The following POT1 variants were observed in gnomAD, a reference collection of about 807,000 sequenced individuals.
POT1 encodes protection of telomeres 1.
POT1 carries 47 observed loss-of-function variants against 78.5 expected under a neutral mutation model. The ratio of observed to expected loss-of-function variants is 0.60; its 90% confidence interval spans 0.47 to 0.76. POT1 has a LOEUF of 0.76. Ranked by LOEUF, POT1 falls within the 30% of genes least tolerant of loss-of-function variation. The probability of loss-of-function intolerance (pLI) is 0.00; values close to 1 mark genes in which losing one functional copy is unlikely to be tolerated. For synonymous variants in POT1, 259 were observed against 260.7 expected, an observed-to-expected ratio of 0.99 and a Z score of 0.06; for missense variants, 646 against 749.9, an observed-to-expected ratio of 0.86 and a Z score of 1.62.
At chr7:124,842,223 A>G (rs1202448193) in intron 13 of POT1, among the ~76,000 whole-genome samples, 1 of 152,028 alleles carries the variant, frequency 6.6e-6, no homozygotes, top group East Asian at 1.9e-4. Context: ...AAAGATGAGG[A>G]GCTTTTAAAA....
intron 2 of POT1, among the ~76,000 whole-genome samples, chr7:124,926,489 T>C (rs777430656): frequency 4.6e-5 from 7 of 152,202 alleles, no homozygotes; most frequent in Non-Finnish European, 7.3e-5. Context: ...GGTGAGAATG[T>C]ACATTAGTAC....
chr7:124,836,452 TAA>T (rs1794903016), intron 14 of POT1, among the ~76,000 whole-genome samples: 1 of 152,192 alleles, frequency 6.6e-6, no homozygotes, highest in South Asian at 2.1e-4. Flanking sequence ...GCATGCTACT[TAA>T]AAGTTTCACA....
At chr7:124,868,411 C>A (rs770197503) in intron 7 of POT1, among the ~76,000 whole-genome samples, 22 of 152,086 alleles carry the variant, frequency 1.4e-4, no homozygotes, top group Admixed American at 3.3e-4. Context: ...ATTAACATTG[C>A]CTTAAATTAT....
rs1432715110 is a variant in POT1, at chr7:124,841,107, T to G, written c.1235A>C (p.Lys412Thr). The change falls in exon 14 of 19, where the codon AAG (lysine) becomes ACG (threonine). Residue 412 changes from lysine (K) to threonine (T), a missense_variant. Physicochemically the swap from Lys to Thr is moderately conservative, Grantham distance 78. Around this residue, in one of 2 missense-constraint regions of POT1, gnomAD observed 394 missense variants for 408.4 expected, o/e 0.96. Transcript: ENST00000357628. ...ATCATATAATGATGTATTTTGTAGC[T>G]TGACATCTGGGGTTTTAGTTGCACC... Reference protein sequence around the residue: ...QDGATKTPDVKLQNTSLYDSK... With the variant: ...QDGATKTPDVTLQNTSLYDSK... 1 of 1,612,890 alleles carries G rather than the reference T, an allele frequency of 6.2e-7. No homozygotes were observed. The highest frequency in any genetic ancestry group is 1.7e-5 in the Admixed American group (1 of 59,984).
At chr7:124,830,696 A>G (rs1794738553) in intron 15 of POT1, among the ~76,000 whole-genome samples, 1 of 152,142 alleles carries the variant, frequency 6.6e-6, no homozygotes, top group African/African-American at 2.4e-5. Context: ...CTCCACTATT[A>G]AAACTAAAAT....
intron 9 of POT1, among the ~76,000 whole-genome samples, chr7:124,855,309 G>C (rs1393902686): frequency 6.7e-6 from 1 of 149,292 alleles, no homozygotes. Context: ...ATTTAAAAGT[G>C]TCTGAAATAA....
In POT1 at chr7:124,833,326, T is replaced by A. The variant is rs368834657; in HGVS notation, c.1505+1953A>T. Among the ~76,000 whole-genome samples, 41 of 152,306 alleles carry A rather than the reference T, an allele frequency of 2.7e-4. 1 individual carries two copies. The highest frequency in any genetic ancestry group is 9.1e-4 in the African/African-American group (38 of 41,564). Reference sequence around the variant, plus strand: ...TTAGGGAGGTATCATGCTTACCGTATAATATTTTTCAACCAGTATATAATT... The same window carrying A: ...TTAGGGAGGTATCATGCTTACCGTAAAATATTTTTCAACCAGTATATAATT... On this transcript the variant is annotated intron_variant, in intron 15 of 18. Transcript: ENST00000357628.
intron 7 of POT1, among the ~76,000 whole-genome samples, chr7:124,865,738 G>A (rs969243450): frequency 4.0e-5 from 6 of 151,028 alleles, no homozygotes; most frequent in East Asian, 1.9e-4. Flanking sequence ...GACGGATCTC[G>A]TTCTGTCACT....
intron 9 of POT1, among the ~76,000 whole-genome samples, chr7:124,854,328 G>T (rs1795389946): frequency 6.6e-6 from 1 of 151,662 alleles, no homozygotes; most frequent in Admixed American, 6.6e-5. Flanking sequence ...TTTGTACACT[G>T]AATAATTGGA....
At chr7:124,882,543 A>T (rs1320254838) in intron 6 of POT1, among the ~76,000 whole-genome samples, 6 of 152,030 alleles carry the variant, frequency 3.9e-5, no homozygotes, top group Admixed American at 3.9e-4. Flanking sequence ...ATTATGATAT[A>T]TACAGTGACA....
rs540163663 is a variant in POT1, at chr7:124,840,722, C to G, written c.1369+251G>C. On this transcript the variant is annotated intron_variant, in intron 14 of 18. Transcript: ENST00000357628. ...AGCTTAGCATTGACAAAATAAAATGCAATCCAACAATATAGTTAAATGTTA... is the reference window on the plus strand; with the variant it reads ...AGCTTAGCATTGACAAAATAAAATGGAATCCAACAATATAGTTAAATGTTA... 7.0e-4 allele frequency: 198 copies of G among 282,892 alleles called. 1 individual carries two copies. Among genetic ancestry groups the G allele is most frequent in the African/African-American group, 4.2e-3 (186 of 44,626 alleles). 17.5% of individuals were successfully genotyped at this position (282,892 alleles called of 1,614,324 possible).
chr7:124,858,174 G>C (rs1584769202), intron 9 of POT1, among the ~76,000 whole-genome samples: 1 of 152,284 alleles, frequency 6.6e-6, no homozygotes, highest in East Asian at 1.9e-4. Flanking sequence ...GTGGAATCTT[G>C]AACCACTGAT....
At chr7:124,830,920 C>T (rs1368499049) in intron 15 of POT1, among the ~76,000 whole-genome samples, 1 of 152,038 alleles carries the variant, frequency 6.6e-6, no homozygotes, top group Non-Finnish European at 1.5e-5. Context: ...GGAAAGAAAC[C>T]TTACAATCAA....
chr7:124,878,706 T>C (rs150173581), intron 6 of POT1, among the ~76,000 whole-genome samples: 3,406 of 152,182 alleles, frequency 0.022, 50 homozygotes, highest in Middle Eastern at 0.034. Flanking sequence ...GTTTTATTAT[T>C]AATAATGATA....
intron 6 of POT1, among the ~76,000 whole-genome samples, chr7:124,879,667 G>T (rs1223441748): frequency 6.6e-6 from 1 of 152,096 alleles, no homozygotes; most frequent in East Asian, 1.9e-4. Flanking sequence ...ATATTTTTCT[G>T]TTGAATAGCA....
intron 9 of POT1, among the ~76,000 whole-genome samples, chr7:124,854,411 T>C (rs12532038): frequency 0.38 from 58,119 of 151,698 alleles, 11,856 homozygotes; most frequent in African/African-American, 0.54. Flanking sequence ...TTTTAGATTA[T>C]GGAGGCTCAA....
chr7:124,831,008 A>G (rs935183508), intron 15 of POT1, among the ~76,000 whole-genome samples: 1 of 152,210 alleles, frequency 6.6e-6, no homozygotes, highest in Non-Finnish European at 1.5e-5. Flanking sequence ...AGATGTGAAC[A>G]TGGAATTCAT....
At chr7:124,844,126 GT>G (rs34848715) in intron 12 of POT1, among the ~76,000 whole-genome samples, 49,629 of 126,842 alleles carry the variant, frequency 0.39, 8,917 homozygotes, top group East Asian at 0.49. Flanking sequence ...GGCGATTGTG[GT>G]TTTTTTTTTT....
intron 4 of POT1, 92 bp from the exon 5 acceptor site, chr7:124,897,304 G>A (rs961214470): frequency 9.5e-6 from 4 of 418,924 alleles, no homozygotes; most frequent in African/African-American, 6.2e-5. Flanking sequence ...ACACTTACTT[G>A]TAAAATATTC....
Sources: allele counts gnomAD v4.1 joint callset (sites outside exome capture counted in the v4.1 genomes callset), GRCh38; gene constraint gnomAD v4.1.1; regional missense constraint gnomAD v4.1.1; transcripts MANE v1.5; gene names NCBI Gene and HGNC (gene_info 2026-07-23, HGNC 2026-07-21).